The following CSTPP1 variants were observed in gnomAD, a reference collection of about 807,000 sequenced individuals.
CSTPP1 encodes the protein UPF0705 protein C11orf49.
the CSTPP1 span, among the ~76,000 whole-genome samples, chr11:47,070,836 A>G: frequency 6.6e-6 from 1 of 152,190 alleles, no homozygotes; most frequent in Non-Finnish European, 1.5e-5. Context: ...ATATGAATTT[A>G]TGACTATCAT....
chr11:47,099,315 C>CT, the CSTPP1 span, among the ~76,000 whole-genome samples: 1 of 152,202 alleles, frequency 6.6e-6, no homozygotes, highest in Non-Finnish European at 1.5e-5. Flanking sequence ...AAAATGCCTT[C>CT]TTACTCTTCC....
the CSTPP1 span, among the ~76,000 whole-genome samples, chr11:47,162,703 G>A: frequency 6.6e-6 from 1 of 152,074 alleles, no homozygotes; most frequent in Non-Finnish European, 1.5e-5. Context: ...GAAGGGGCGG[G>A]GTCCCCCAGA....
At chr11:46,993,039 T>C in the CSTPP1 span, among the ~76,000 whole-genome samples, 1 of 152,248 alleles carries the variant, frequency 6.6e-6, no homozygotes, top group East Asian at 1.9e-4. Context: ...TGTCTTCTTT[T>C]GAGAAGTATC....
At chr11:47,022,839 G>A in the CSTPP1 span, among the ~76,000 whole-genome samples, 1 of 152,316 alleles carries the variant, frequency 6.6e-6, no homozygotes, top group South Asian at 2.1e-4. Context: ...TTTACAGAAT[G>A]CATTATTAAC....
At chr11:47,038,479 A>G in the CSTPP1 span, among the ~76,000 whole-genome samples, 1 of 99,690 alleles carries the variant, frequency 1.0e-5, no homozygotes, top group Non-Finnish European at 2.5e-5. Context: ...TCCCTCCCGG[A>G]CGGGGCGGCC....
At chr11:46,998,055 C>G in the CSTPP1 span, among the ~76,000 whole-genome samples, 1 of 152,126 alleles carries the variant, frequency 6.6e-6, no homozygotes, top group Non-Finnish European at 1.5e-5. Context: ...ATCTCAAACT[C>G]CGTGCTGGGA....
At chr11:47,093,665 G>C in the CSTPP1 span, among the ~76,000 whole-genome samples, 12 of 152,212 alleles carry the variant, frequency 7.9e-5, no homozygotes, top group South Asian at 2.3e-3. Context: ...ATACTTTTTT[G>C]CTGCTTGGTC....
the CSTPP1 span, among the ~76,000 whole-genome samples, chr11:47,019,557 C>T: frequency 6.6e-6 from 1 of 152,022 alleles, no homozygotes; most frequent in Non-Finnish European, 1.5e-5. Flanking sequence ...GAATAGAGAG[C>T]ACCAAGGAAA....
At chr11:46,936,793 C>T in the CSTPP1 span, 21 of 1,610,444 alleles carry the variant, frequency 1.3e-5, no homozygotes, top group Non-Finnish European at 1.6e-5. Context: ...TTTGAAGCCA[C>T]CCCGGTCAAA....
chr11:47,162,400 C>G, the CSTPP1 span, among the ~76,000 whole-genome samples: 1 of 152,154 alleles, frequency 6.6e-6, no homozygotes, highest in Admixed American at 6.5e-5. Flanking sequence ...TAGCTTCGCA[C>G]AAGAGCAACC....
At chr11:46,995,512 T>C in the CSTPP1 span, among the ~76,000 whole-genome samples, 2 of 152,232 alleles carry the variant, frequency 1.3e-5, no homozygotes, top group Non-Finnish European at 2.9e-5. Flanking sequence ...ACATCTTTAT[T>C]TCTGCCTTCA....
the CSTPP1 span, among the ~76,000 whole-genome samples, chr11:47,127,652 A>T: frequency 1.3e-5 from 2 of 152,150 alleles, no homozygotes; most frequent in East Asian, 3.8e-4. Context: ...TTGGATGCTT[A>T]TCTATGCCAT....
At chr11:47,132,341 A>T in the CSTPP1 span, among the ~76,000 whole-genome samples, 1 of 152,222 alleles carries the variant, frequency 6.6e-6, no homozygotes, top group African/African-American at 2.4e-5. Flanking sequence ...GCAATGCACC[A>T]GGCATTGTGC....
At chr11:47,081,329 T>C in the CSTPP1 span, among the ~76,000 whole-genome samples, 1 of 151,982 alleles carries the variant, frequency 6.6e-6, no homozygotes, top group Non-Finnish European at 1.5e-5. Context: ...AATAATGAGA[T>C]ACCAGCCTCG....
chr11:47,088,129 T>C, the CSTPP1 span, among the ~76,000 whole-genome samples: 1 of 152,158 alleles, frequency 6.6e-6, no homozygotes, highest in Admixed American at 6.6e-5. Flanking sequence ...TTTTCTCCAT[T>C]AGAAGCGTGT....
At chr11:47,064,771 G>A in the CSTPP1 span, among the ~76,000 whole-genome samples, 1 of 152,094 alleles carries the variant, frequency 6.6e-6, no homozygotes, top group Admixed American at 6.6e-5. Context: ...TTGAGATAGA[G>A]TCTCACTCTG....
the CSTPP1 span, among the ~76,000 whole-genome samples, chr11:47,163,435 C>A: frequency 6.6e-6 from 1 of 152,218 alleles, no homozygotes; most frequent in African/African-American, 2.4e-5. Flanking sequence ...CCCTGGCTCC[C>A]TCTGCCCATC....
the CSTPP1 span, among the ~76,000 whole-genome samples, chr11:47,085,546 C>A: frequency 3.3e-5 from 5 of 152,180 alleles, no homozygotes; most frequent in Admixed American, 2.0e-4. Context: ...TGAAATAGGT[C>A]ATGCAACTGC....
the CSTPP1 span, among the ~76,000 whole-genome samples, chr11:47,033,926 T>C: frequency 6.6e-6 from 1 of 152,108 alleles, no homozygotes; most frequent in Non-Finnish European, 1.5e-5. Flanking sequence ...TCATGGGTTC[T>C]GGGTGGCCAG....
Sources: gnomAD v4.1 joint callset for allele counts (sites outside exome capture counted in the v4.1 genomes callset) on GRCh38, gnomAD v4.1.1 for gene constraint, MANE v1.5 for transcripts, NCBI Gene and HGNC (gene_info 2026-07-23, HGNC 2026-07-21) for gene names.